The following MLIP variants were observed in gnomAD, a reference collection of about 807,000 sequenced individuals.
MLIP encodes the protein muscular LMNA interacting protein, also known as muscular LMNA-interacting protein.
Under a neutral mutation model 84.8 loss-of-function variants are expected in MLIP, and 79 were observed. That is an observed-to-expected ratio of 0.93 (90% CI 0.78 to 1.12). The LOEUF (loss-of-function observed/expected upper bound fraction) is 1.12, where lower values mean the gene tolerates loss of function less well. MLIP is among the 50% of genes most tolerant of loss of function. The probability of loss-of-function intolerance (pLI) is 0.00; values close to 1 mark genes in which losing one functional copy is unlikely to be tolerated. For missense variants in MLIP, 1,257 were observed against 1,160.6 expected (o/e 1.08, Z -1.21); for synonymous variants, 504 against 463.0 (o/e 1.09, Z -1.14).
chr6:54,047,040 A>G (rs1765100884), intron 1 of MLIP: 1 of 152,340 alleles, frequency 6.6e-6, no homozygotes, highest in South Asian at 2.1e-4. Flanking sequence ...AGCCTTTCAC[A>G]TAAAAGTTAT....
At chr6:54,220,364 A>G (rs1010157429) in intron 11 of MLIP, among the ~76,000 whole-genome samples, 8 of 152,206 alleles carry the variant, frequency 5.3e-5, no homozygotes, top group Non-Finnish European at 8.8e-5. Flanking sequence ...TATAATGTGT[A>G]AAGTTTTACT....
chr6:54,138,661 G>T (rs1286840945), intron 4 of MLIP, among the ~76,000 whole-genome samples: 2 of 152,142 alleles, frequency 1.3e-5, no homozygotes, highest in African/African-American at 4.8e-5. Context: ...TTTATTAACA[G>T]GGACCCTAGC....
intron 8 of MLIP, among the ~76,000 whole-genome samples, chr6:54,167,227 C>A (rs117598580): frequency 6.6e-6 from 1 of 152,002 alleles, no homozygotes; most frequent in South Asian, 2.1e-4. Flanking sequence ...GAAGTGCTTA[C>A]GCATTTCAAA....
chr6:54,097,330 A>G (rs1177404759), intron 1 of MLIP, among the ~76,000 whole-genome samples: 4 of 152,142 alleles, frequency 2.6e-5, no homozygotes, highest in Non-Finnish European at 5.9e-5. Flanking sequence ...AGAATGGAGG[A>G]TGAGATAAAG....
chr6:54,152,072 A>G (rs1036984807), intron 5 of MLIP, among the ~76,000 whole-genome samples: 3 of 152,154 alleles, frequency 2.0e-5, no homozygotes, highest in Admixed American at 2.0e-4. Flanking sequence ...TTAAGAAGGA[A>G]GCATTTATAG....
intron 8 of MLIP, among the ~76,000 whole-genome samples, chr6:54,162,433 T>TCA (rs1774743360): frequency 6.6e-6 from 1 of 152,012 alleles, no homozygotes; most frequent in Non-Finnish European, 1.5e-5. Context: ...AAACCCTTAT[T>TCA]TGCCATGGCA....
rs1412486288 is a variant in MLIP, at chr6:54,266,127, C to T, written c.*172C>T. On this transcript the variant is annotated 3_prime_UTR_variant, in exon 14 of 14. Coordinates refer to ENST00000502396, the MANE Select transcript of MLIP (RefSeq NM_001281747.2). Reference sequence around the variant, plus strand: ...GCTGCAATTATATAGCATCACAGTGCTCTGCTAACAGCCAGCATAGAAGAG... The same window carrying T: ...GCTGCAATTATATAGCATCACAGTGTTCTGCTAACAGCCAGCATAGAAGAG... 2 of 637,132 alleles carry T rather than the reference C, an allele frequency of 3.1e-6. No homozygotes were observed. Among genetic ancestry groups the T allele is most frequent in the Non-Finnish European group, 5.6e-6 (2 of 356,988 alleles). 39.5% of individuals were successfully genotyped at this position (637,132 alleles called of 1,614,324 possible). A position where few individuals can be genotyped will look rare whatever the true frequency, so the allele number is the denominator to read the frequency against.
intron 11 of MLIP, chr6:54,203,831 C>G (rs1778858531): frequency 6.6e-6 from 1 of 152,264 alleles, no homozygotes; most frequent in Admixed American, 6.5e-5. Context: ...GGCGATCTGC[C>G]GGCCTCCGCC....
intron 12 of MLIP, among the ~76,000 whole-genome samples, chr6:54,250,547 A>C (rs1279778859): frequency 6.6e-6 from 1 of 152,134 alleles, no homozygotes; most frequent in Non-Finnish European, 1.5e-5. Flanking sequence ...GAATGAGATC[A>C]TGTCCTTTGC....
chr6:54,150,619 C>T (rs920037962), intron 5 of MLIP, among the ~76,000 whole-genome samples: 4 of 152,180 alleles, frequency 2.6e-5, no homozygotes, highest in African/African-American at 4.8e-5. Context: ...ATACTTGTCT[C>T]GCCTCATCTA....
At chr6:54,120,482 G>A (rs575725052) in intron 1 of MLIP, among the ~76,000 whole-genome samples, 3 of 152,112 alleles carry the variant, frequency 2.0e-5, no homozygotes, top group Non-Finnish European at 4.4e-5. Flanking sequence ...CAGGTGATCC[G>A]CCCGCCTTGG....
chr6:54,176,702 G>A (rs534191790), intron 9 of MLIP, among the ~76,000 whole-genome samples: 4 of 151,530 alleles, frequency 2.6e-5, no homozygotes, highest in Admixed American at 6.6e-5. Flanking sequence ...AAAAAAAAAC[G>A]TAAAAGTTCA....
chr6:54,132,947 A>G (rs1489971819), intron 3 of MLIP, among the ~76,000 whole-genome samples: 1 of 152,236 alleles, frequency 6.6e-6, no homozygotes, highest in Non-Finnish European at 1.5e-5. Context: ...GACTAGGTCT[A>G]GAAACATAAT....
chr6:54,166,752 G>A (rs748254265), intron 8 of MLIP, among the ~76,000 whole-genome samples: 9 of 151,754 alleles, frequency 5.9e-5, no homozygotes, highest in South Asian at 2.1e-4. Context: ...CATATATGCC[G>A]ACAACTCTAT....
chr6:54,236,546 G>C (rs1172660856), intron 12 of MLIP, among the ~76,000 whole-genome samples: 1 of 151,246 alleles, frequency 6.6e-6, no homozygotes, highest in Non-Finnish European at 1.5e-5. Context: ...AGGTTGCAGT[G>C]AGCCGAGATC....
At chr6:54,037,469 A>AAG (rs776293212) in intron 1 of MLIP, among the ~76,000 whole-genome samples, 2 of 151,484 alleles carry the variant, frequency 1.3e-5, no homozygotes, top group South Asian at 2.1e-4. Flanking sequence ...GAGAGGGAGA[A>AAG]AGAGAGAGAG....
intron 2 of MLIP, among the ~76,000 whole-genome samples, chr6:54,123,045 C>T (rs1344402993): frequency 1.3e-5 from 2 of 152,028 alleles, no homozygotes; most frequent in African/African-American, 4.8e-5. Context: ...CATTCTCCTG[C>T]CTCAGCCTCC....
chr6:54,111,512 C>CG lies in MLIP; in HGVS notation c.36dup (p.Asn13GlufsTer27). ...CAGAACAGGGGCTTCTGAGTGACTG[C>CG]GGGAACAATTACTTCCAAATGACCT... On this transcript the variant is annotated frameshift_variant, in exon 1 of 14. Coordinates refer to ENST00000502396, the MANE Select transcript of MLIP (RefSeq NM_001281747.2). LOFTEE classifies it high-confidence loss of function. 6.5e-7 allele frequency: 1 copy of CG among 1,535,962 alleles called. No homozygotes were observed. Among genetic ancestry groups the CG allele is most frequent in the Non-Finnish European group, 8.7e-7 (1 of 1,146,840 alleles).
intron 12 of MLIP, among the ~76,000 whole-genome samples, chr6:54,236,576 T>C (rs975306136): frequency 2.1e-4 from 31 of 149,408 alleles, no homozygotes; most frequent in African/African-American, 7.8e-4. Context: ...TACTCCAGCC[T>C]GGGCAATAAG....
Sources: gnomAD v4.1 joint callset for allele counts (sites outside exome capture counted in the v4.1 genomes callset) on GRCh38, gnomAD v4.1.1 for gene constraint, MANE v1.5 for transcripts, NCBI Gene and HGNC (gene_info 2026-07-23, HGNC 2026-07-21) for gene names.